The following SCOC variants were observed in gnomAD, a reference collection of about 807,000 sequenced individuals.
SCOC encodes the protein short coiled-coil protein, also known as short coiled coil protein.
SCOC carries 7 observed loss-of-function variants against 9.9 expected under a neutral mutation model. That is an observed-to-expected ratio of 0.71 (90% CI 0.40 to 1.33). The LOEUF is 1.33. SCOC is among the 40% of genes most tolerant of loss of function. SCOC has a pLI of 0.01. For synonymous variants in SCOC, 19 were observed against 28.2 expected, an observed-to-expected ratio of 0.67 and a Z score of 1.03; for missense variants, 66 against 89.7, an observed-to-expected ratio of 0.74 and a Z score of 1.07.
chr4:140,286,958 C>A (rs533911315), intron 1 of SCOC, among the ~76,000 whole-genome samples: 1 of 152,100 alleles, frequency 6.6e-6, no homozygotes, highest in African/African-American at 2.4e-5. Flanking sequence ...ACACCACGAA[C>A]ACATACGACA....
chr4:140,285,504 T>TAA (rs1731240932), intron 1 of SCOC, among the ~76,000 whole-genome samples: 1 of 152,170 alleles, frequency 6.6e-6, no homozygotes, highest in Non-Finnish European at 1.5e-5. Flanking sequence ...GGACAGGAGC[T>TAA]TTTGCTCACT....
At chr4:140,299,950 G>T (rs79568437) in intron 1 of SCOC, among the ~76,000 whole-genome samples, 1 of 152,186 alleles carries the variant, frequency 6.6e-6, no homozygotes, top group African/African-American at 2.4e-5. Flanking sequence ...TGAACACTAA[G>T]CCCACTAATG....
chr4:140,285,102 C>A, intron 1 of SCOC: 1 of 448,386 alleles, frequency 2.2e-6, no homozygotes, highest in Non-Finnish European at 4.5e-6. Context: ...GAAACTGAGG[C>A]TTAGAGAATC....
At chr4:140,272,158 C>T (rs1433854541) in intron 1 of SCOC, among the ~76,000 whole-genome samples, 13 of 151,548 alleles carry the variant, frequency 8.6e-5, no homozygotes, top group African/African-American at 2.9e-4. Flanking sequence ...CTGGGCTTCT[C>T]CCACCTCAGC....
intron 2 of SCOC, among the ~76,000 whole-genome samples, chr4:140,360,302 T>C (rs750470134): frequency 1.3e-5 from 2 of 152,192 alleles, no homozygotes; most frequent in Non-Finnish European, 1.5e-5. Context: ...TCAAAGAGAA[T>C]AAATAGGCTT....
At chr4:140,321,226 G>C (rs1350550809) in intron 1 of SCOC, among the ~76,000 whole-genome samples, 2 of 152,168 alleles carry the variant, frequency 1.3e-5, no homozygotes, top group East Asian at 3.9e-4. Flanking sequence ...TCAGTTCCAA[G>C]CATAAAAATA....
At chr4:140,293,476 G>T in intron 1 of SCOC, 1 of 443,852 alleles carries the variant, frequency 2.3e-6, no homozygotes, top group South Asian at 1.6e-5. Flanking sequence ...AGATGGAAAT[G>T]CCGGTCTGAC....
At chr4:140,334,134 G>A (rs1732892629) in intron 1 of SCOC, among the ~76,000 whole-genome samples, 1 of 152,044 alleles carries the variant, frequency 6.6e-6, no homozygotes, top group Non-Finnish European at 1.5e-5. Flanking sequence ...TCCCAGACTG[G>A]TCTCAAACTC....
At chr4:140,350,646 G>A (rs538309743) in intron 2 of SCOC, among the ~76,000 whole-genome samples, 2 of 152,296 alleles carry the variant, frequency 1.3e-5, no homozygotes, top group Admixed American at 1.3e-4. Flanking sequence ...GGCAGGAAGG[G>A]CTTGAACTTT....
chr4:140,263,557 A>C (rs967429364), intron 1 of SCOC, among the ~76,000 whole-genome samples: 25 of 152,146 alleles, frequency 1.6e-4, no homozygotes, highest in Non-Finnish European at 5.9e-5. Context: ...GGTTATCATC[A>C]CTATACCCAG....
chr4:140,287,616 A>ACACATGCATATGCACATGCATATG (rs1328613819), intron 1 of SCOC, among the ~76,000 whole-genome samples: 1 of 151,712 alleles, frequency 6.6e-6, no homozygotes, highest in African/African-American at 2.4e-5. Flanking sequence ...CACACACTAC[A>ACACATGCATATGCACATGCATATG]CACATGCATA....
intron 1 of SCOC, among the ~76,000 whole-genome samples, chr4:140,311,999 G>A (rs57042698): frequency 2.0e-5 from 3 of 152,304 alleles, no homozygotes; most frequent in African/African-American, 4.8e-5. Context: ...AAACATTTTA[G>A]AACAAACACT....
chr4:140,296,483 G>A (rs1731640049), intron 1 of SCOC, among the ~76,000 whole-genome samples: 1 of 152,074 alleles, frequency 6.6e-6, no homozygotes, highest in Non-Finnish European at 1.5e-5. Flanking sequence ...TTAATGAATG[G>A]CCACGTGCCT....
At chr4:140,323,658 G>A (rs1560701004) in intron 1 of SCOC, among the ~76,000 whole-genome samples, 1 of 152,096 alleles carries the variant, frequency 6.6e-6, no homozygotes, top group Non-Finnish European at 1.5e-5. Context: ...TTATTTTAAA[G>A]AGCCAAACTA....
intron 1 of SCOC, among the ~76,000 whole-genome samples, chr4:140,274,634 C>T (rs983324963): frequency 2.6e-5 from 4 of 152,308 alleles, no homozygotes; most frequent in Middle Eastern, 3.4e-3. Context: ...TTTAATATTC[C>T]CTTCCATGCA....
chr4:140,354,194 A>G (rs2126535439), intron 2 of SCOC, among the ~76,000 whole-genome samples: 1 of 152,262 alleles, frequency 6.6e-6, no homozygotes, highest in African/African-American at 2.4e-5. Flanking sequence ...AATGTTTAGA[A>G]GATTTTTTTT....
intron 1 of SCOC, among the ~76,000 whole-genome samples, chr4:140,283,205 C>T (rs1731138369): frequency 1.3e-5 from 2 of 152,210 alleles, no homozygotes; most frequent in South Asian, 2.1e-4. Context: ...ATGAGACCTG[C>T]CCATTTTACT....
chr4:140,300,101 G>T (rs1731770044), intron 1 of SCOC, among the ~76,000 whole-genome samples: 1 of 152,176 alleles, frequency 6.6e-6, no homozygotes, highest in South Asian at 2.1e-4. Context: ...AATCTCATTG[G>T]CTGTGGGTCC....
At chr4:140,370,057 T>A (rs1727986674), upstream of SCOC, among the ~76,000 whole-genome samples, 1 of 152,038 alleles carries the variant, frequency 6.6e-6, no homozygotes, top group Non-Finnish European at 1.5e-5. Context: ...AGCTGCCTTT[T>A]TATGTTTACA....
Sources: allele counts gnomAD v4.1 joint callset (sites outside exome capture counted in the v4.1 genomes callset), GRCh38; gene constraint gnomAD v4.1.1; transcripts MANE v1.5; gene names NCBI Gene and HGNC (gene_info 2026-07-23, HGNC 2026-07-21).